HMGCLL1: variants seen among roughly 807,000 people sequenced by gnomAD.
HMGCLL1 encodes the protein 3-hydroxy-3-methylglutaryl-CoA lyase like 1, also known as 3-hydroxymethyl-3-methylglutaryl-CoA lyase, cytoplasmic.
A neutral mutation model predicts 39.1 loss-of-function variants in HMGCLL1; 36 were observed. That is an observed-to-expected ratio of 0.92 (90% CI 0.71 to 1.22). HMGCLL1 has a LOEUF of 1.22. Ranked by LOEUF, HMGCLL1 falls within the 50% of genes most tolerant of loss-of-function variation. The pLI is 0.00. For missense variants in HMGCLL1, 451 were observed against 416.5 expected, an observed-to-expected ratio of 1.08 and a Z score of -0.72; for synonymous variants, 149 against 144.0, an observed-to-expected ratio of 1.03 and a Z score of -0.25.
intron 7 of HMGCLL1, among the ~76,000 whole-genome samples, chr6:55,456,552 G>A (rs1182831890): frequency 6.6e-6 from 1 of 152,162 alleles, no homozygotes; most frequent in Non-Finnish European, 1.5e-5. Flanking sequence ...CCTTCAGGAT[G>A]CATTTCCCCA....
intron 7 of HMGCLL1, among the ~76,000 whole-genome samples, chr6:55,453,512 G>T (rs1257208594): frequency 6.6e-6 from 1 of 152,150 alleles, no homozygotes; most frequent in Non-Finnish European, 1.5e-5. Flanking sequence ...GATATGGATG[G>T]AGCATAGCTC....
At chr6:55,517,037 T>G (rs1365075916) in intron 3 of HMGCLL1, among the ~76,000 whole-genome samples, 1 of 152,130 alleles carries the variant, frequency 6.6e-6, no homozygotes, top group Non-Finnish European at 1.5e-5. Flanking sequence ...TAGGAAAATG[T>G]AAATTACACA....
rs74748359 is a variant in HMGCLL1, at chr6:55,486,660, C to T, written c.795+8759G>A. Among the ~76,000 whole-genome samples the T allele has an allele frequency of 6.6e-5, 10 of 152,198 alleles. No individual in the cohort carries two copies. In the East Asian group the frequency reaches 1.9e-3, roughly 29 times the overall value. On this transcript the variant is annotated intron_variant, in intron 7 of 8. Transcript: ENST00000274901. ...TTTATCTTTTATCACCGTCACCTTA[C>T]ATACACTCACAAGCAATTCTTAGTT...
intron 7 of HMGCLL1, among the ~76,000 whole-genome samples, chr6:55,491,500 T>C (rs376111250): frequency 1.2e-4 from 19 of 152,282 alleles, no homozygotes; most frequent in South Asian, 1.0e-3. Context: ...AAAGGGCACA[T>C]AGTACTTCAG....
upstream of HMGCLL1, among the ~76,000 whole-genome samples, chr6:55,580,177 T>C (rs2127481838): frequency 6.6e-6 from 1 of 150,566 alleles, no homozygotes; most frequent in African/African-American, 2.4e-5. Flanking sequence ...CCATTCAAAG[T>C]CAAACCATCC....
the HMGCLL1 span, among the ~76,000 whole-genome samples, chr6:55,660,616 A>C: frequency 6.6e-6 from 1 of 151,824 alleles, no homozygotes; most frequent in Admixed American, 6.6e-5. Flanking sequence ...TCAATCTTTC[A>C]TTGATGGACA....
chr6:55,558,351 A>G (rs73451196), intron 1 of HMGCLL1, among the ~76,000 whole-genome samples: 2 of 152,274 alleles, frequency 1.3e-5, no homozygotes, highest in South Asian at 4.1e-4. Context: ...GTGGTTATAC[A>G]TCTCTGTTTG....
At chr6:55,579,529 T>C (rs1427953935), upstream of HMGCLL1, among the ~76,000 whole-genome samples, 1 of 151,504 alleles carries the variant, frequency 6.6e-6, no homozygotes, top group East Asian at 1.9e-4. Context: ...AAGTGTAGAT[T>C]TGCCTACCGT....
At chr6:55,678,059 G>C in the HMGCLL1 span, among the ~76,000 whole-genome samples, 2 of 152,076 alleles carry the variant, frequency 1.3e-5, no homozygotes, top group Admixed American at 1.3e-4. Flanking sequence ...ATAATACCAT[G>C]CTGAAATTAA....
chr6:55,452,642 G>A (rs1395386048), intron 7 of HMGCLL1, among the ~76,000 whole-genome samples: 1 of 152,058 alleles, frequency 6.6e-6, no homozygotes, highest in Non-Finnish European at 1.5e-5. Context: ...TTTGGCAAAA[G>A]GTAAAGCTGA....
At chr6:55,615,953 G>T in the HMGCLL1 span, among the ~76,000 whole-genome samples, 1 of 152,036 alleles carries the variant, frequency 6.6e-6, no homozygotes, top group Non-Finnish European at 1.5e-5. Flanking sequence ...TCCCCCACTT[G>T]AAACAGTTGT....
At chr6:55,607,696 T>C in the HMGCLL1 span, among the ~76,000 whole-genome samples, 51 of 152,310 alleles carry the variant, frequency 3.3e-4, no homozygotes, top group East Asian at 8.1e-3. Context: ...GACTTTTCTC[T>C]CTACTCACTC....
chr6:55,439,439 T>G lies in HMGCLL1; in HGVS notation c.916A>C (p.Asn306His). 1 of 1,611,470 alleles carries G rather than the reference T, an allele frequency of 6.2e-7. No individual in the cohort carries two copies. The highest frequency in any genetic ancestry group is 8.5e-7 in the Non-Finnish European group (1 of 1,178,294). ...LIYMLNGLGL[N>H]TGVNLYKVME... ...AATACGTTAAAGTAACTTACTGTAT[T>G]GAGCCCCAGGCCATTAAGCATATAT... Residue 306 changes from asparagine (N) to histidine (H), a missense_variant, in exon 8 of 9, where the codon AAT becomes CAT. By Grantham distance (68) the Asn-to-His change is moderately conservative. Transcript: ENST00000274901.
chr6:55,482,534 C>T (rs1765799551), intron 7 of HMGCLL1, among the ~76,000 whole-genome samples: 2 of 152,014 alleles, frequency 1.3e-5, no homozygotes, highest in African/African-American at 4.8e-5. Context: ...TCCAAAATGT[C>T]TATTTAGAAA....
At chr6:55,550,689 T>A (rs1347920915) in intron 1 of HMGCLL1, among the ~76,000 whole-genome samples, 1 of 151,724 alleles carries the variant, frequency 6.6e-6, no homozygotes, top group Non-Finnish European at 1.5e-5. Flanking sequence ...TCGAAGTAGG[T>A]GGGATATTGC....
At chr6:55,584,797 C>A in the HMGCLL1 span, among the ~76,000 whole-genome samples, 1 of 151,646 alleles carries the variant, frequency 6.6e-6, no homozygotes, top group Non-Finnish European at 1.5e-5. Context: ...GACATGTAGC[C>A]AAGATACCTA....
the HMGCLL1 span, among the ~76,000 whole-genome samples, chr6:55,597,712 G>C: frequency 6.6e-6 from 1 of 152,052 alleles, no homozygotes; most frequent in Non-Finnish European, 1.5e-5. Context: ...AGGGCTTAAA[G>C]TTCCAAGTAA....
chr6:55,578,954 G>A lies in HMGCLL1; in HGVS notation c.102C>T (p.Pro34=). 2.5e-6 allele frequency: 4 copies of A among 1,610,550 alleles called. No individual in the cohort carries two copies. The highest frequency in any genetic ancestry group is 2.2e-5 in the East Asian group (1 of 44,508). The change falls in exon 1 of 9, where the codon CCC becomes CCT. Residue 34 remains proline, a synonymous_variant. Transcript: ENST00000274901. ...IGDSVAGALD[P]AQETSQLSGL... Reference sequence around the variant, plus strand: ...CTGGGCCGCGAGGTGGTACCTGCGCGGGGTCGAGCGCCCCTGCCACTGAAT... The same window carrying A: ...CTGGGCCGCGAGGTGGTACCTGCGCAGGGTCGAGCGCCCCTGCCACTGAAT...
At chr6:55,538,374 C>G (rs1769149607) in intron 3 of HMGCLL1, among the ~76,000 whole-genome samples, 1 of 152,000 alleles carries the variant, frequency 6.6e-6, no homozygotes, top group Non-Finnish European at 1.5e-5. Context: ...AGTTTCTCTC[C>G]AGCAATAATC....
Sources: gnomAD v4.1 joint callset for allele counts (sites outside exome capture counted in the v4.1 genomes callset) on GRCh38, gnomAD v4.1.1 for gene constraint, MANE v1.5 for transcripts, NCBI Gene and HGNC (gene_info 2026-07-23, HGNC 2026-07-21) for gene names.